Variants in TSC22D2 observed in about 807,000 individuals in gnomAD.
TSC22D2 encodes the protein TSC22 domain family member 2.
In TSC22D2, 5 loss-of-function variants were observed where a neutral mutation model predicts 50.1. The ratio of observed to expected loss-of-function variants is 0.10; its 90% CI spans 0.05 to 0.21. The LOEUF is 0.21. Ranked by LOEUF, TSC22D2 falls within the 10% of genes least tolerant of loss-of-function variation. The probability of loss-of-function intolerance (pLI) is 1.00; values close to 1 mark genes in which losing one functional copy is unlikely to be tolerated. For synonymous variants in TSC22D2, 501 were observed against 450.1 expected (o/e 1.11, Z -1.43); for missense variants, 1,003 against 1,015.5 (o/e 0.99, Z 0.17).
chr3:150,427,455 T>C (rs1325908454), intron 1 of TSC22D2, among the ~76,000 whole-genome samples: 2 of 152,236 alleles, frequency 1.3e-5, no homozygotes, highest in Non-Finnish European at 2.9e-5. Context: ...TTCATCTGTA[T>C]GGTTCTGCAT....
intron 1 of TSC22D2, among the ~76,000 whole-genome samples, chr3:150,453,031 G>T (rs367984982): frequency 1.3e-5 from 2 of 152,010 alleles, no homozygotes; most frequent in Non-Finnish European, 2.9e-5. Flanking sequence ...AGCAGTAATT[G>T]TAACACTTGA....
chr3:150,423,839 T>G (rs893385865), intron 1 of TSC22D2, among the ~76,000 whole-genome samples: 1 of 152,206 alleles, frequency 6.6e-6, no homozygotes, highest in Admixed American at 6.5e-5. Context: ...CACTTTGTGT[T>G]TAATTAATAG....
intron 1 of TSC22D2, among the ~76,000 whole-genome samples, chr3:150,434,174 A>G (rs1164527098): frequency 6.8e-6 from 1 of 147,746 alleles, no homozygotes; most frequent in African/African-American, 2.5e-5. Flanking sequence ...TTTGGGACAG[A>G]GTCTTGCTCT....
chr3:150,453,522 G>A (rs1011930363), intron 1 of TSC22D2, among the ~76,000 whole-genome samples: 6 of 152,206 alleles, frequency 3.9e-5, no homozygotes, highest in East Asian at 3.9e-4. Context: ...TATCTGAATC[G>A]CCTAGAGAGT....
chr3:150,439,744 TTG>T (rs753109536), intron 1 of TSC22D2, among the ~76,000 whole-genome samples: 1 of 152,220 alleles, frequency 6.6e-6, no homozygotes, highest in Non-Finnish European at 1.5e-5. Context: ...AGTGAATGTT[TTG>T]TGTCAAAAGG....
In TSC22D2 at chr3:150,465,911, G is replaced by C. The variant is rs1404266090; in HGVS notation, c.*7275G>C. On this transcript the variant is annotated 3_prime_UTR_variant, in exon 3 of 3. Coordinates refer to ENST00000688009, the MANE Select transcript of TSC22D2 (RefSeq NM_001303264.2). ...ATCATAAAAAAACATAGTACATAGA[G>C]GGTTTGGTATTATTCATGGTTTCAG... 2 of 152,004 alleles carry C rather than the reference G, an allele frequency of 1.3e-5. No homozygotes were observed. The highest frequency in any genetic ancestry group is 4.8e-5 in the African/African-American group (2 of 41,384). The allele number at this position is 152,004 out of a possible 1,614,324, so 9.4% of individuals were successfully genotyped here. A position where few individuals can be genotyped will look rare whatever the true frequency, so the allele number is the denominator to read the frequency against.
chr3:150,451,646 T>C (rs1182896171), intron 1 of TSC22D2, among the ~76,000 whole-genome samples: 1 of 152,218 alleles, frequency 6.6e-6, no homozygotes, highest in Non-Finnish European at 1.5e-5. Context: ...TTGAATCCTG[T>C]TCCTAGTATT....
chr3:150,410,205 G>T lies in TSC22D2; in HGVS notation c.855G>T (p.Val285=). ...QPPPPPVGGA[V]AQSSAPLPPF... Reference sequence around the variant, plus strand: ...CGCCGCCACCCGTAGGTGGGGCTGTGGCTCAAAGCTCGGCTCCGCTGCCGC... The same window carrying T: ...CGCCGCCACCCGTAGGTGGGGCTGTTGCTCAAAGCTCGGCTCCGCTGCCGC... The change falls in exon 1 of 3, where the codon GTG becomes GTT. Residue 285 remains valine (V), a synonymous_variant. Coordinates refer to ENST00000688009, the MANE Select transcript of TSC22D2 (RefSeq NM_001303264.2). 1 of 1,597,616 alleles carries T rather than the reference G, an allele frequency of 6.3e-7. No individual in the cohort carries two copies. Among genetic ancestry groups the T allele is most frequent in the Non-Finnish European group, 8.5e-7 (1 of 1,172,324 alleles).
intron 1 of TSC22D2, among the ~76,000 whole-genome samples, chr3:150,431,081 C>G (rs1576548341): frequency 6.6e-6 from 1 of 151,528 alleles, no homozygotes; most frequent in South Asian, 2.1e-4. Flanking sequence ...AAAAATTAGC[C>G]AGGCGTGGTG....
intron 1 of TSC22D2, among the ~76,000 whole-genome samples, chr3:150,453,055 TATTTC>T (rs1241227647): frequency 3.3e-5 from 5 of 152,220 alleles, no homozygotes; most frequent in Non-Finnish European, 7.3e-5. Context: ...AAAATTGACT[TATTTC>T]AGTTTGAGTA....
At position 150,412,412 on chromosome 3, in the gene TSC22D2, T is replaced by C. The variant is rs370386747; in HGVS notation, c.1958+1104T>C. Among the ~76,000 whole-genome samples the C allele has an allele frequency of 1.3e-3, 194 of 152,332 alleles. 1 individual carries two copies. In the South Asian group the frequency reaches 0.023, roughly 18 times the overall value. ...TTATGGATTTCCAGAATAATTAGTATGTGGAAGAATACAATGACATGTATG... is the reference window on the plus strand; with the variant it reads ...TTATGGATTTCCAGAATAATTAGTACGTGGAAGAATACAATGACATGTATG... On this transcript the variant is annotated intron_variant, in intron 1 of 2. Coordinates refer to ENST00000688009, the MANE Select transcript of TSC22D2 (RefSeq NM_001303264.2).
Position 150,421,512 on chromosome 3 carries a change from A to G in TSC22D2, c.1958+10204A>G, listed in dbSNP as rs556621822. ...AGCCTCTTAAGCTTTTCTTGTTATT[A>G]GCAGGTCTAATCAGTGCCTTTGATT... On this transcript the variant is annotated intron_variant, in intron 1 of 2. Coordinates refer to ENST00000688009, the MANE Select transcript of TSC22D2 (RefSeq NM_001303264.2). Among the ~76,000 whole-genome samples the G allele has an allele frequency of 3.3e-5, 5 of 152,348 alleles. No homozygotes were observed. In the South Asian group the frequency reaches 1.0e-3, roughly 32 times the overall value.
At chr3:150,433,454 G>T (rs558221943) in intron 1 of TSC22D2, among the ~76,000 whole-genome samples, 241 of 152,290 alleles carry the variant, frequency 1.6e-3, no homozygotes, top group Non-Finnish European at 2.4e-3. Flanking sequence ...TGTAACCTTT[G>T]TCGTAGAAGA....
chr3:150,437,279 TC>T (rs1720575748), intron 1 of TSC22D2, among the ~76,000 whole-genome samples: 1 of 152,166 alleles, frequency 6.6e-6, no homozygotes, highest in South Asian at 2.1e-4. Flanking sequence ...CCTCCAGTTT[TC>T]TTCCGTGCCC....
rs554042824 is a variant in TSC22D2 at position 150,459,294 on chromosome 3, C to G, written c.*658C>G. On this transcript the variant is annotated 3_prime_UTR_variant, in exon 3 of 3. Coordinates refer to ENST00000688009, the MANE Select transcript of TSC22D2 (RefSeq NM_001303264.2). ...TTTATTTTCAGTAGTAAAGACCCAG[C>G]TTGAATGTAAATTTTGTATAGTGTA... The G allele has an allele frequency of 6.6e-6, 1 of 152,576 alleles. No individual in the cohort carries two copies. The highest frequency in any genetic ancestry group is 1.5e-5 in the Non-Finnish European group (1 of 68,034). The allele number at this position is 152,576 out of a possible 1,614,324, so 9.5% of individuals were successfully genotyped here. A position where few individuals can be genotyped will look rare whatever the true frequency, so the allele number is the denominator to read the frequency against.
Position 150,418,245 on chromosome 3 carries a change from CT to C in TSC22D2, c.1958+6938del, listed in dbSNP as rs199696769. Among the ~76,000 whole-genome samples the C allele has an allele frequency of 4.3e-3, 659 of 151,916 alleles. 13 individuals carry two copies. The East Asian group carries it at 0.06, about 14-fold the overall frequency. On this transcript the variant is annotated intron_variant, in intron 1 of 2. Transcript: ENST00000688009. ...ACAAATATGAGACTATGCTGCCCTC[CT>C]AGATCTCAGGCATTTTCATCATCAT... is the stretch of plus-strand genomic sequence containing the variant.
At chr3:150,420,896 A>T (rs1719982847) in intron 1 of TSC22D2, among the ~76,000 whole-genome samples, 1 of 152,194 alleles carries the variant, frequency 6.6e-6, no homozygotes, top group Non-Finnish European at 1.5e-5. Context: ...AGCCTGGCCA[A>T]CGTGGTGAAA....
chr3:150,437,802 C>T (rs1020649186), intron 1 of TSC22D2, among the ~76,000 whole-genome samples: 14 of 151,544 alleles, frequency 9.2e-5, no homozygotes, highest in Admixed American at 3.9e-4. Flanking sequence ...AGCGGGACTC[C>T]GTCTCAAAAT....
rs111634361 is a variant in TSC22D2, at chr3:150,464,184, G to C, written c.*5548G>C. On this transcript the variant is annotated 3_prime_UTR_variant, in exon 3 of 3. Transcript: ENST00000688009. ...CATATAACAACTGTAAAATACTCTT[G>C]CCTGCTGCAATCCAAATGTTATCCG... The C allele has an allele frequency of 2.0e-5, 3 of 151,870 alleles. No individual in the cohort carries two copies. The highest frequency in any genetic ancestry group is 7.3e-5 in the African/African-American group (3 of 41,306). The allele number at this position is 151,870 out of a possible 1,614,324, so 9.4% of individuals were successfully genotyped here.
Sources: allele counts gnomAD v4.1 joint callset (sites outside exome capture counted in the v4.1 genomes callset), GRCh38; gene constraint gnomAD v4.1.1; transcripts MANE v1.5; gene names NCBI Gene and HGNC (gene_info 2026-07-23, HGNC 2026-07-21).